RCAN2: variants seen among roughly 807,000 people sequenced by gnomAD.
RCAN2 encodes regulator of calcineurin 2.
RCAN2 carries 9 observed loss-of-function variants against 23.6 expected under a neutral mutation model. That is an observed-to-expected ratio of 0.38 (90% CI 0.23 to 0.67). The LOEUF (loss-of-function observed/expected upper bound fraction) is 0.67, where lower values mean the gene tolerates loss of function less well. RCAN2 is among the 30% of genes least tolerant of loss of function. The pLI is 0.51. For missense variants in RCAN2, 273 were observed against 302.3 expected, an observed-to-expected ratio of 0.90 and a Z score of 0.72; for synonymous variants, 109 against 115.7, an observed-to-expected ratio of 0.94 and a Z score of 0.37.
intron 2 of RCAN2, among the ~76,000 whole-genome samples, chr6:46,417,049 G>A (rs887008597): frequency 6.6e-6 from 1 of 152,082 alleles, no homozygotes; most frequent in Admixed American, 6.6e-5. Flanking sequence ...TATTTTCACT[G>A]TGATGAATAT....
At chr6:46,306,725 A>G (rs1321234025) in intron 2 of RCAN2, among the ~76,000 whole-genome samples, 2 of 152,048 alleles carry the variant, frequency 1.3e-5, no homozygotes, top group East Asian at 1.9e-4. Flanking sequence ...AGCTCACTAA[A>G]CGTTTCTGGA....
chr6:46,281,637 G>A (rs944456005), intron 2 of RCAN2, among the ~76,000 whole-genome samples: 3 of 152,180 alleles, frequency 2.0e-5, no homozygotes, highest in Non-Finnish European at 4.4e-5. Flanking sequence ...TCCAGAGAGA[G>A]CTTGAAAAAG....
chr6:46,457,039 G>A (rs151150943), intron 1 of RCAN2, 61 bp from the exon 2 acceptor site: 21 of 1,223,864 alleles, frequency 1.7e-5, no homozygotes, highest in African/African-American at 6.0e-5. Context: ...CTCAGTTTTC[G>A]GGTCACAGTT....
chr6:46,430,243 G>A (rs1767153268), intron 2 of RCAN2, among the ~76,000 whole-genome samples: 1 of 152,158 alleles, frequency 6.6e-6, no homozygotes, highest in South Asian at 2.1e-4. Context: ...AAAGTGAGCT[G>A]TCAAATAGGA....
chr6:46,334,181 T>G (rs918309784), intron 2 of RCAN2, among the ~76,000 whole-genome samples: 1 of 152,174 alleles, frequency 6.6e-6, no homozygotes, highest in Non-Finnish European at 1.5e-5. Context: ...TTTCACTATC[T>G]CCTTAGCCTG....
intron 2 of RCAN2, among the ~76,000 whole-genome samples, chr6:46,371,781 C>T (rs1441313330): frequency 1.3e-5 from 2 of 152,176 alleles, no homozygotes; most frequent in African/African-American, 4.8e-5. Context: ...GATACACCTA[C>T]AAAAATGGGG....
chr6:46,306,160 C>T (rs1355170275), intron 2 of RCAN2, among the ~76,000 whole-genome samples: 1 of 152,048 alleles, frequency 6.6e-6, no homozygotes, highest in Non-Finnish European at 1.5e-5. Flanking sequence ...GGCAGTGTGG[C>T]ATCTAAGGGG....
chr6:46,408,678 C>G (rs756534821), intron 2 of RCAN2, among the ~76,000 whole-genome samples: 12 of 152,110 alleles, frequency 7.9e-5, no homozygotes, highest in Non-Finnish European at 1.6e-4. Flanking sequence ...CCTTGGTTCT[C>G]TATCTGACTG....
At chr6:46,240,152 A>G (rs1400512938) in intron 4 of RCAN2, among the ~76,000 whole-genome samples, 1 of 152,192 alleles carries the variant, frequency 6.6e-6, no homozygotes, top group African/African-American at 2.4e-5. Flanking sequence ...CCCTTGCCCC[A>G]TATTAGGGGC....
intron 2 of RCAN2, among the ~76,000 whole-genome samples, chr6:46,312,230 C>T (rs533820656): frequency 5.9e-5 from 9 of 152,238 alleles, no homozygotes; most frequent in Admixed American, 2.0e-4. Flanking sequence ...TTTCTCCTAG[C>T]GTGGTATATG....
intron 2 of RCAN2, among the ~76,000 whole-genome samples, chr6:46,436,034 C>A (rs4714932): frequency 0.4 from 60,953 of 152,066 alleles, 13,495 homozygotes; most frequent in East Asian, 0.6. Flanking sequence ...TTCTTCTGGG[C>A]TAGTTCTTGT....
chr6:46,422,019 G>C (rs1189388302), intron 2 of RCAN2, among the ~76,000 whole-genome samples: 12 of 152,166 alleles, frequency 7.9e-5, no homozygotes. Flanking sequence ...ATGCCTTAGG[G>C]AGTGCTGCAG....
At chr6:46,428,639 G>C (rs754644242) in intron 2 of RCAN2, among the ~76,000 whole-genome samples, 2 of 152,202 alleles carry the variant, frequency 1.3e-5, no homozygotes, top group Non-Finnish European at 2.9e-5. Context: ...GAGGAGCATG[G>C]CTAAATTTTC....
At chr6:46,261,239 A>G (rs1194409676) in intron 2 of RCAN2, among the ~76,000 whole-genome samples, 2 of 152,226 alleles carry the variant, frequency 1.3e-5, no homozygotes, top group Non-Finnish European at 2.9e-5. Flanking sequence ...TTAAATATTC[A>G]TTTATCTATA....
At chr6:46,312,239 T>C (rs748492650) in intron 2 of RCAN2, among the ~76,000 whole-genome samples, 2 of 152,194 alleles carry the variant, frequency 1.3e-5, no homozygotes, top group Non-Finnish European at 2.9e-5. Flanking sequence ...GCGTGGTATA[T>C]GGTCAACTTC....
intron 2 of RCAN2, among the ~76,000 whole-genome samples, chr6:46,314,534 C>A (rs906336480): frequency 6.7e-5 from 10 of 149,936 alleles, no homozygotes; most frequent in African/African-American, 2.2e-4. Flanking sequence ...AAAAAAAAAA[C>A]TGAACTCAGT....
intron 1 of RCAN2, among the ~76,000 whole-genome samples, chr6:46,488,224 G>A (rs1232131098): frequency 6.6e-6 from 1 of 152,150 alleles, no homozygotes; most frequent in African/African-American, 2.4e-5. Flanking sequence ...TTCAATTCTA[G>A]GTGCACGTCT....
At chr6:46,297,819 G>A (rs1301524173) in intron 2 of RCAN2, among the ~76,000 whole-genome samples, 3 of 152,054 alleles carry the variant, frequency 2.0e-5, no homozygotes, top group African/African-American at 7.2e-5. Context: ...TCAAATTAAA[G>A]TCTAGTTTTC....
chr6:46,232,190 C>G (rs1765916050), intron 4 of RCAN2, among the ~76,000 whole-genome samples: 1 of 152,224 alleles, frequency 6.6e-6, no homozygotes, highest in Non-Finnish European at 1.5e-5. Flanking sequence ...TGGCACTAAC[C>G]CAGCACGCTG....
Sources: allele counts gnomAD v4.1 joint callset (sites outside exome capture counted in the v4.1 genomes callset), GRCh38; gene constraint gnomAD v4.1.1; transcripts MANE v1.5; gene names NCBI Gene and HGNC (gene_info 2026-07-23, HGNC 2026-07-21).